The following SOX6 variants were observed in gnomAD, a reference collection of about 807,000 sequenced individuals.
The protein encoded by SOX6 is transcription factor SOX-6.
In SOX6, 11 loss-of-function variants were observed where a neutral mutation model predicts 97.8. The ratio of observed to expected loss-of-function variants is 0.11; its 90% CI spans 0.07 to 0.19. The LOEUF is 0.19. SOX6 is among the 10% of genes least tolerant of loss of function. The pLI is 1.00. For synonymous variants in SOX6, 360 were observed against 371.4 expected (o/e 0.97, Z 0.35); for missense variants, 810 against 1,039.5 (o/e 0.78, Z 3.04).
chr11:16,053,315 AAG>A (rs1474687739), intron 10 of SOX6, among the ~76,000 whole-genome samples: 1 of 152,182 alleles, frequency 6.6e-6, no homozygotes, highest in African/African-American at 2.4e-5. Context: ...TTTAAGCTGG[AAG>A]AGTAAATCTG....
intron 6 of SOX6, among the ~76,000 whole-genome samples, chr11:16,127,195 T>C (rs529561308): frequency 5.9e-5 from 9 of 151,640 alleles, no homozygotes; most frequent in African/African-American, 1.7e-4. Flanking sequence ...TTTTATAAAA[T>C]AAATATTAAT....
intron 9 of SOX6, among the ~76,000 whole-genome samples, chr11:16,068,551 G>T (rs1358172549): frequency 6.6e-6 from 1 of 152,082 alleles, no homozygotes; most frequent in Non-Finnish European, 1.5e-5. Flanking sequence ...CAGCATAGAA[G>T]GTACTTGTTC....
intron 3 of SOX6, among the ~76,000 whole-genome samples, chr11:16,648,042 C>T (rs1849039681): frequency 6.6e-6 from 1 of 151,978 alleles, no homozygotes; most frequent in Non-Finnish European, 1.5e-5. Flanking sequence ...GTGGGAGTGG[C>T]TGTGGATATG....
intron 3 of SOX6, among the ~76,000 whole-genome samples, chr11:16,258,737 T>A (rs1038987456): frequency 1.3e-5 from 2 of 151,920 alleles, no homozygotes; most frequent in East Asian, 1.9e-4. Flanking sequence ...GATGTCAACA[T>A]AAGTTTATCT....
chr11:16,539,344 C>T (rs1861364728), intron 4 of SOX6, among the ~76,000 whole-genome samples: 1 of 152,210 alleles, frequency 6.6e-6, no homozygotes, highest in Admixed American at 6.5e-5. Flanking sequence ...ATTTATAGCA[C>T]TAAATGCCCA....
intron 15 of SOX6, among the ~76,000 whole-genome samples, chr11:15,984,726 A>G (rs1271313346): frequency 6.6e-6 from 1 of 152,190 alleles, no homozygotes; most frequent in Non-Finnish European, 1.5e-5. Context: ...TTTATAATAA[A>G]GTGGCTTAAG....
intron 1 of SOX6, among the ~76,000 whole-genome samples, chr11:16,411,244 C>T (rs537349049): frequency 1.1e-4 from 16 of 152,190 alleles, no homozygotes; most frequent in Admixed American, 1.3e-4. Flanking sequence ...CTGTTGTCTG[C>T]GAGGACTTTC....
chr11:16,274,949 A>G (rs1196483874), intron 3 of SOX6, among the ~76,000 whole-genome samples: 2 of 152,152 alleles, frequency 1.3e-5, no homozygotes, highest in African/African-American at 4.8e-5. Flanking sequence ...CTTACTTTTT[A>G]AATTTCCCTA....
intron 15 of SOX6, among the ~76,000 whole-genome samples, chr11:15,975,058 C>T (rs1281684946): frequency 2.0e-5 from 3 of 152,112 alleles, no homozygotes; most frequent in Non-Finnish European, 2.9e-5. Context: ...CATAAAAATG[C>T]CTGACTTCTA....
intron 3 of SOX6, among the ~76,000 whole-genome samples, chr11:16,264,148 A>C (rs1265773824): frequency 2.0e-5 from 3 of 151,792 alleles, no homozygotes; most frequent in Non-Finnish European, 4.4e-5. Flanking sequence ...TAGTCACTCA[A>C]CTACTAATCC....
chr11:16,641,079 A>G (rs1848904734), intron 3 of SOX6, among the ~76,000 whole-genome samples: 1 of 152,180 alleles, frequency 6.6e-6, no homozygotes, highest in Non-Finnish European at 1.5e-5. Flanking sequence ...ACACTGCTTT[A>G]AATGTGTCCC....
At chr11:16,596,532 G>A (rs1848214603) in intron 4 of SOX6, among the ~76,000 whole-genome samples, 1 of 152,166 alleles carries the variant, frequency 6.6e-6, no homozygotes. Context: ...CCTAAAGCCA[G>A]TTCCTCATCA....
In SOX6 at chr11:16,370,294, A is replaced by T. The variant is rs547611660; in HGVS notation, c.-4-29042T>A. On this transcript the variant is annotated intron_variant, in intron 1 of 15. Transcript: ENST00000396356. ...TTTTTTAGTTTTCCAATGCCTATGT[A>T]ACAAATTCCTTCAATGAAATCCCAA... 5.3e-5 allele frequency among the ~76,000 whole-genome samples: 8 copies of T among 152,224 alleles called. No homozygotes were observed. The South Asian group carries it at 1.2e-3, about 24-fold the overall frequency.
chr11:16,568,168 C>T (rs1355108158), intron 4 of SOX6, among the ~76,000 whole-genome samples: 1 of 151,696 alleles, frequency 6.6e-6, no homozygotes, highest in Non-Finnish European at 1.5e-5. Context: ...GGGTCCCATC[C>T]CCAAGATATC....
intron 4 of SOX6, among the ~76,000 whole-genome samples, chr11:16,531,391 A>C (rs1861234004): frequency 6.6e-6 from 1 of 151,898 alleles, no homozygotes; most frequent in Non-Finnish European, 1.5e-5. Flanking sequence ...TTTATAATAA[A>C]AAAAGAATAT....
At chr11:16,687,949 T>G (rs1342212422) in intron 3 of SOX6, among the ~76,000 whole-genome samples, 2 of 152,164 alleles carry the variant, frequency 1.3e-5, no homozygotes, top group African/African-American at 4.8e-5. Flanking sequence ...TTCCTCTTTT[T>G]TTAAGTTCTT....
At position 16,464,201 on chromosome 11, in the gene SOX6, C is replaced by T. The variant is rs539450295; in HGVS notation, c.-5+12114G>A. Among the ~76,000 whole-genome samples, 16 of 152,260 alleles carry T rather than the reference C, an allele frequency of 1.1e-4. No individual in the cohort carries two copies. The South Asian group carries it at 3.1e-3, about 30-fold the overall frequency. On this transcript the variant is annotated intron_variant, in intron 1 of 15. Transcript: ENST00000396356. ...TAGTAAACTGCTGGCCCAATAAAGA[C>T]TATAATTTCTTTCTAATTATCCTAT...
chr11:16,264,237 G>A (rs1447034202), intron 3 of SOX6, among the ~76,000 whole-genome samples: 2 of 151,868 alleles, frequency 1.3e-5, no homozygotes, highest in Non-Finnish European at 2.9e-5. Context: ...TAGATAACCA[G>A]TCTCAATAGT....
chr11:16,463,941 TGACCA>T, intron 1 of SOX6, among the ~76,000 whole-genome samples: 1 of 152,298 alleles, frequency 6.6e-6, no homozygotes, highest in Non-Finnish European at 1.5e-5. Context: ...ACTCAACAAA[TGACCA>T]ACATCAACAA....
Sources: gnomAD v4.1 joint callset for allele counts (sites outside exome capture counted in the v4.1 genomes callset) on GRCh38, gnomAD v4.1.1 for gene constraint, MANE v1.5 for transcripts, NCBI Gene and HGNC (gene_info 2026-07-23, HGNC 2026-07-21) for gene names.